Variants in TTC27 observed in about 807,000 individuals in gnomAD.
TTC27 encodes tetratricopeptide repeat domain 27.
TTC27 carries 79 observed loss-of-function variants against 115.9 expected under a neutral mutation model. The observed-to-expected ratio is 0.68, with a 90% confidence interval of 0.57 to 0.82. TTC27 has a LOEUF of 0.82. Ranked by LOEUF, TTC27 falls within the 40% of genes least tolerant of loss-of-function variation. TTC27 has a pLI of 0.00. For synonymous variants in TTC27, 401 were observed against 356.0 expected (o/e 1.13, Z -1.42); for missense variants, 1,054 against 993.1 (o/e 1.06, Z -0.82).
chr2:32,692,938 T>C (rs899966219), intron 9 of TTC27, among the ~76,000 whole-genome samples: 4 of 150,824 alleles, frequency 2.7e-5, no homozygotes, highest in East Asian at 2.0e-4. Flanking sequence ...ATCGCACTAC[T>C]GTACTCCAGC....
In TTC27 at chr2:32,682,673, T is replaced by A. The variant is rs796447559; in HGVS notation, c.1119+3751T>A. ...AGAGCAAATATAATAGAAGTCTTTT[T>A]TTTTTTTTTTTTGAAATGGAGTTTT... On this transcript the variant is annotated intron_variant, in intron 9 of 19. Coordinates refer to ENST00000317907, the MANE Select transcript of TTC27 (RefSeq NM_017735.5). 1.3e-4 allele frequency among the ~76,000 whole-genome samples: 19 copies of A among 149,538 alleles called. 1 individual carries two copies. The highest frequency in any genetic ancestry group is 4.7e-4 in the African/African-American group (19 of 40,852).
chr2:32,743,281 A>T (rs1264011133), intron 12 of TTC27, among the ~76,000 whole-genome samples: 2 of 152,204 alleles, frequency 1.3e-5, no homozygotes, highest in East Asian at 1.9e-4. Context: ...GATCACAGCC[A>T]AAAAGGGTAG....
chr2:32,633,242 C>G (rs1664281238), intron 2 of TTC27, among the ~76,000 whole-genome samples: 1 of 152,016 alleles, frequency 6.6e-6, no homozygotes, highest in Non-Finnish European at 1.5e-5. Flanking sequence ...GATAGAAGTG[C>G]TCTCTATCTT....
intron 5 of TTC27, 97 bp downstream of exon 5, chr2:32,650,330 T>C (rs572920642): frequency 3.1e-6 from 2 of 651,150 alleles, no homozygotes; most frequent in East Asian, 3.0e-5. Context: ...CCGGTAGTAG[T>C]GCCTTTTCGT....
chr2:32,711,057 C>A (rs1319602905), intron 10 of TTC27, among the ~76,000 whole-genome samples: 1 of 135,540 alleles, frequency 7.4e-6, no homozygotes, highest in African/African-American at 2.9e-5. Flanking sequence ...GCAGAGGTTG[C>A]AGTGAGCTGA....
intron 14 of TTC27, 134 bp downstream of exon 14, chr2:32,778,114 A>AAT: frequency 1.5e-6 from 1 of 679,276 alleles, no homozygotes; most frequent in Non-Finnish European, 2.4e-6. Context: ...TCGTACCTCA[A>AAT]GGTATAGGAT....
chr2:32,782,729 G>T, intron 15 of TTC27, 51 bp downstream of exon 15: 1 of 1,425,404 alleles, frequency 7.0e-7, no homozygotes, highest in Non-Finnish European at 9.9e-7. Context: ...ATAAATGAAT[G>T]AGATTTTCTA....
At chr2:32,664,123 T>C (rs1665670594) in intron 5 of TTC27, among the ~76,000 whole-genome samples, 180 bp from the exon 6 acceptor site, 2 of 152,204 alleles carry the variant, frequency 1.3e-5, no homozygotes, top group Admixed American at 1.3e-4. Flanking sequence ...AGCATATAAG[T>C]GCTCAGATAA....
At chr2:32,703,669 T>G (rs913421007) in intron 10 of TTC27, among the ~76,000 whole-genome samples, 2 of 152,258 alleles carry the variant, frequency 1.3e-5, no homozygotes, top group Non-Finnish European at 2.9e-5. Context: ...CTTCATTTAA[T>G]GCTAATGTTT....
chr2:32,636,461 G>A (rs947288759), intron 3 of TTC27, among the ~76,000 whole-genome samples: 10 of 152,064 alleles, frequency 6.6e-5, no homozygotes, highest in Non-Finnish European at 1.2e-4. Context: ...TGATCCACCC[G>A]CCTCGGCCTC....
chr2:32,692,061 T>TTTG (rs1180217279), intron 9 of TTC27, among the ~76,000 whole-genome samples: 6 of 124,818 alleles, frequency 4.8e-5, no homozygotes, highest in Non-Finnish European at 8.3e-5. Flanking sequence ...TTTTTTTTTT[T>TTTG]TGTAGAGACA....
At chr2:32,637,338 C>CT (rs1010015316) in intron 3 of TTC27, among the ~76,000 whole-genome samples, 50 of 147,456 alleles carry the variant, frequency 3.4e-4, no homozygotes, top group South Asian at 2.6e-3. Flanking sequence ...CTTTTTCTTT[C>CT]TTTTTTTTTT....
At chr2:32,636,642 T>C (rs1210587313) in intron 3 of TTC27, among the ~76,000 whole-genome samples, 1 of 152,202 alleles carries the variant, frequency 6.6e-6, no homozygotes, top group African/African-American at 2.4e-5. Context: ...AATCCACATT[T>C]TCTGGTTCCA....
At chr2:32,807,461 ACTT>A (rs932838078) in intron 16 of TTC27, among the ~76,000 whole-genome samples, 85 of 152,180 alleles carry the variant, frequency 5.6e-4, no homozygotes, top group African/African-American at 1.5e-3. Flanking sequence ...TTATTTGTTG[ACTT>A]CTTCTTATCT....
chr2:32,781,624 T>C (rs1044566142), intron 14 of TTC27, among the ~76,000 whole-genome samples: 1 of 151,798 alleles, frequency 6.6e-6, no homozygotes, highest in African/African-American at 2.4e-5. Context: ...AAAAAAAAAA[T>C]CAATGGAGAT....
intron 16 of TTC27, among the ~76,000 whole-genome samples, chr2:32,801,234 C>G (rs920488070): frequency 1.3e-5 from 2 of 152,218 alleles, no homozygotes; most frequent in Non-Finnish European, 1.5e-5. Flanking sequence ...TTACCACAAA[C>G]TTGCTGCCTT....
intron 8 of TTC27, among the ~76,000 whole-genome samples, chr2:32,674,805 G>A (rs768374843): frequency 5.3e-5 from 8 of 151,864 alleles, no homozygotes; most frequent in African/African-American, 7.3e-5. Flanking sequence ...GACTACAGGC[G>A]CCCACCACCA....
chr2:32,655,244 C>A (rs911280730), intron 5 of TTC27, among the ~76,000 whole-genome samples: 7 of 152,044 alleles, frequency 4.6e-5, no homozygotes, highest in African/African-American at 1.7e-4. Flanking sequence ...CTTGCCTTGG[C>A]CTCCCAAAGT....
intron 18 of TTC27, among the ~76,000 whole-genome samples, chr2:32,813,393 G>C (rs1041104808): frequency 6.6e-6 from 1 of 152,196 alleles, no homozygotes; most frequent in African/African-American, 2.4e-5. Context: ...AAAGGGCAGA[G>C]CTTTAAGATC....
Sources: gnomAD v4.1 joint callset for allele counts (sites outside exome capture counted in the v4.1 genomes callset) on GRCh38, gnomAD v4.1.1 for gene constraint, MANE v1.5 for transcripts, NCBI Gene and HGNC (gene_info 2026-07-23, HGNC 2026-07-21) for gene names.